The following IGFBP6 variants were observed in gnomAD, a reference collection of about 807,000 sequenced individuals.
IGFBP6 encodes the protein insulin-like growth factor-binding protein 6.
Under a neutral mutation model 24.5 loss-of-function variants are expected in IGFBP6, and 24 were observed. The observed-to-expected ratio is 0.98, with a 90% CI of 0.71 to 1.38. IGFBP6 has a LOEUF of 1.38. Among genes scored for constraint, IGFBP6 ranks in the 40% most tolerant of loss-of-function variants. The pLI is 0.00. For synonymous variants in IGFBP6, 147 were observed against 137.4 expected (o/e 1.07, Z -0.49); for missense variants, 331 against 324.8 (o/e 1.02, Z -0.15).
chr12:53,100,442 G>A (rs991188430), intron 1 of IGFBP6, among the ~76,000 whole-genome samples: 33 of 152,238 alleles, frequency 2.2e-4, no homozygotes, highest in African/African-American at 7.2e-4. Context: ...GATTACAGGC[G>A]TGAGCCATTG....
At chr12:53,099,238 C>T (rs1565623419) in intron 1 of IGFBP6, 2 of 446,574 alleles carry the variant, frequency 4.5e-6, no homozygotes, top group East Asian at 7.2e-5. Flanking sequence ...CTTTTCCTGT[C>T]CCTGACTTAT....
Position 53,097,789 on chromosome 12 carries a change from C to T in IGFBP6, c.72C>T (p.Gly24=), listed in dbSNP as rs1444783223. The part of the protein sequence containing the change: ...LALLLAASPG[G]ALARCPGCGQ... ...TGCTGCTCGCTGCCAGCCCAGGAGG[C>T]GCCTTGGCGCGGTGCCCAGGCTGCG... The change falls in exon 1 of 4, where the codon GGC becomes GGT. Residue 24 remains glycine, a synonymous_variant. Coordinates refer to ENST00000301464, the MANE Select transcript of IGFBP6 (RefSeq NM_002178.3). The T allele has an allele frequency of 5.2e-6, 8 of 1,543,766 alleles. No individual in the cohort carries two copies. Among genetic ancestry groups the T allele is most frequent in the Non-Finnish European group, 7.0e-6 (8 of 1,145,962 alleles).
chr12:53,098,558 G>A (rs1937779806), intron 1 of IGFBP6, among the ~76,000 whole-genome samples: 1 of 152,188 alleles, frequency 6.6e-6, no homozygotes, highest in Non-Finnish European at 1.5e-5. Flanking sequence ...TAAACAGGAG[G>A]CGTCTAGAAC....
Position 53,098,060 on chromosome 12 carries a change from G to GCGCCC in IGFBP6, c.334+16_334+20dup. The GCGCCC allele has an allele frequency of 7.0e-7, 1 of 1,426,876 alleles. No individual in the cohort carries two copies. The highest frequency in any genetic ancestry group is 9.1e-7 in the Non-Finnish European group (1 of 1,101,174). The allele number at this position is 1,426,876 out of a possible 1,614,324, so 88.4% of individuals were successfully genotyped here. ...GGCCCGCGCGCCTGCTGGTGAGTCC[G>GCGCCC]CGCCCCGCCCCTGCCCCGCCCACGT... On this transcript the variant is annotated intron_variant, in intron 1 of 3. Coordinates refer to ENST00000301464, the MANE Select transcript of IGFBP6 (RefSeq NM_002178.3).
intron 3 of IGFBP6, among the ~76,000 whole-genome samples, chr12:53,101,627 C>T (rs569257601): frequency 2.0e-4 from 30 of 152,256 alleles, no homozygotes; most frequent in African/African-American, 6.0e-4. Flanking sequence ...GGGCCGGGTG[C>T]GGTGTCTCAT....
intron 1 of IGFBP6, among the ~76,000 whole-genome samples, chr12:53,099,728 T>C (rs1937795681): frequency 7.0e-6 from 1 of 143,878 alleles, no homozygotes; most frequent in African/African-American, 2.8e-5. Context: ...TTTATTGTAA[T>C]TAATTGATTG....
intron 1 of IGFBP6, 144 bp downstream of exon 1, chr12:53,098,195 G>A: frequency 9.9e-7 from 1 of 1,005,958 alleles, no homozygotes; most frequent in South Asian, 2.1e-5. Flanking sequence ...CATTTGTGTG[G>A]GGGAGAAGGG....
At chr12:53,101,498 T>G (rs1026355915) in intron 3 of IGFBP6, among the ~76,000 whole-genome samples, 1 of 152,164 alleles carries the variant, frequency 6.6e-6, no homozygotes, top group African/African-American at 2.4e-5. Flanking sequence ...AATATGCATT[T>G]CTAACATGTT....
intron 1 of IGFBP6, chr12:53,099,325 G>T (rs1035304834): frequency 6.6e-6 from 3 of 455,696 alleles, no homozygotes; most frequent in African/African-American, 4.0e-5. Flanking sequence ...CAACCTGCAG[G>T]TTGGAAGCCC....
At chr12:53,099,947 C>A (rs1481994459) in intron 1 of IGFBP6, among the ~76,000 whole-genome samples, 2 of 151,848 alleles carry the variant, frequency 1.3e-5, no homozygotes, top group South Asian at 2.1e-4. Flanking sequence ...CAACCTCCGC[C>A]CCCCCGAGTT....
chr12:53,099,565 C>A (rs1937793317), intron 1 of IGFBP6, among the ~76,000 whole-genome samples: 1 of 152,064 alleles, frequency 6.6e-6, no homozygotes, highest in Non-Finnish European at 1.5e-5. Flanking sequence ...CCCTGTTGGC[C>A]CCCCTCCTAC....
At chr12:53,098,086 G>A (rs565755365) in intron 1 of IGFBP6, 35 bp downstream of exon 1, 9 of 1,396,718 alleles carry the variant, frequency 6.4e-6, no homozygotes, top group South Asian at 4.7e-5. Flanking sequence ...CCGCCCACGT[G>A]AGACCCGCGT....
intron 1 of IGFBP6, among the ~76,000 whole-genome samples, chr12:53,099,813 T>A (rs1438167102): frequency 1.1e-4 from 16 of 151,158 alleles, no homozygotes; most frequent in African/African-American, 2.2e-4. Context: ...ATTAATTTTT[T>A]AAAATTAAGT....
rs1166875623 is a variant in IGFBP6, at chr12:53,097,732, G to C, written c.15G>C (p.Arg5Ser). ...AAACCCTGACCATGACCCCCCACAG[G>C]CTGCTGCCACCGCTGCTGCTGCTGC... Reference protein sequence around the residue: MTPHRLLPPLLLLLA... With the variant: MTPHSLLPPLLLLLA... Residue 5 changes from arginine (R) to serine (S), a missense_variant, in exon 1 of 4, where the codon AGG becomes AGC. Coordinates refer to ENST00000301464, the MANE Select transcript of IGFBP6 (RefSeq NM_002178.3). 6.5e-7 allele frequency: 1 copy of C among 1,545,236 alleles called. No individual in the cohort carries two copies. Among genetic ancestry groups the C allele is most frequent in the Admixed American group, 2.0e-5 (1 of 50,980 alleles).
rs1373134538 is a variant in IGFBP6 at position 53,097,759 on chromosome 12, A to AGCTCTGCTGCTC, written c.46_57dup (p.Leu16_Ala19dup). 1.3e-6 allele frequency: 2 copies of AGCTCTGCTGCTC among 1,545,578 alleles called. No homozygotes were observed. The highest frequency in any genetic ancestry group is 1.7e-6 in the Non-Finnish European group (2 of 1,146,342). On this transcript the variant is annotated inframe_insertion, in exon 1 of 4. Coordinates refer to ENST00000301464, the MANE Select transcript of IGFBP6 (RefSeq NM_002178.3). ...TGCTGCCACCGCTGCTGCTGCTGCT[A>AGCTCTGCTGCTC]GCTCTGCTGCTCGCTGCCAGCCCAG... is the stretch of plus-strand genomic sequence containing the variant.
chr12:53,101,046 A>G lies in IGFBP6; in HGVS notation c.486A>G (p.Pro162=), dbSNP rs755200363. 3.5e-5 allele frequency: 57 copies of G among 1,613,914 alleles called. No homozygotes were observed. Among genetic ancestry groups the G allele is most frequent in the Non-Finnish European group, 4.8e-5 (57 of 1,179,942 alleles). ...SAGVQDTEMG[P]CRRHLDSVLQ... The stretch of plus-strand genomic sequence containing the variant: ...GCCTACTCTCCCTTCCCCAGGGCCC[A>G]TGCCGTAGACATCTGGACTCAGTGC... The change falls in exon 3 of 4, where the codon CCA becomes CCG. Residue 162 remains proline, a synonymous_variant. Transcript: ENST00000301464.
intron 1 of IGFBP6, among the ~76,000 whole-genome samples, chr12:53,098,476 A>T (rs1937778539): frequency 6.6e-6 from 1 of 151,994 alleles, no homozygotes; most frequent in South Asian, 2.1e-4. Context: ...GGGGAGGGGA[A>T]CCCCAGACTC....
intron 1 of IGFBP6, 92 bp from the exon 2 acceptor site, chr12:53,100,620 C>G: frequency 3.1e-6 from 4 of 1,281,200 alleles, no homozygotes; most frequent in Non-Finnish European, 4.5e-6. Context: ...TAAGGCCCTC[C>G]CTTCCTTACT....
At chr12:53,100,618 T>C (rs1592272781) in intron 1 of IGFBP6, 94 bp from the exon 2 acceptor site, 1 of 1,260,116 alleles carries the variant, frequency 7.9e-7, no homozygotes, top group Admixed American at 1.8e-5. Context: ...CATAAGGCCC[T>C]CCCTTCCTTA....
Sources: gnomAD v4.1 joint callset for allele counts (sites outside exome capture counted in the v4.1 genomes callset) on GRCh38, gnomAD v4.1.1 for gene constraint, MANE v1.5 for transcripts, NCBI Gene and HGNC (gene_info 2026-07-23, HGNC 2026-07-21) for gene names.